The following ZDHHC14 variants were observed in gnomAD, a reference collection of about 807,000 sequenced individuals.
ZDHHC14 encodes zDHHC palmitoyltransferase 14.
Under a neutral mutation model 47.7 loss-of-function variants are expected in ZDHHC14, and 16 were observed. That is an observed-to-expected ratio of 0.34 (90% CI 0.23 to 0.51). The LOEUF (loss-of-function observed/expected upper bound fraction) is 0.51, where lower values mean the gene tolerates loss of function less well. ZDHHC14 is among the 20% of genes least tolerant of loss of function. The pLI is 0.97. For synonymous variants in ZDHHC14, 293 were observed against 278.9 expected (o/e 1.05, Z -0.50); for missense variants, 515 against 662.5 (o/e 0.78, Z 2.44).
intron 1 of ZDHHC14, among the ~76,000 whole-genome samples, chr6:157,519,123 G>A (rs1332924196): frequency 6.6e-6 from 1 of 151,994 alleles, no homozygotes; most frequent in Non-Finnish European, 1.5e-5. Context: ...CATAGATGGA[G>A]GGAGTTGTTC....
chr6:157,399,502 A>C (rs1468900819), intron 1 of ZDHHC14, among the ~76,000 whole-genome samples: 2 of 152,234 alleles, frequency 1.3e-5, no homozygotes, highest in African/African-American at 4.8e-5. Context: ...CTTTTTGCTC[A>C]TAACAGTCTG....
intron 1 of ZDHHC14, among the ~76,000 whole-genome samples, chr6:157,393,173 C>G (rs1293122100): frequency 6.6e-6 from 1 of 152,202 alleles, no homozygotes; most frequent in African/African-American, 2.4e-5. Context: ...GCCACCGCAC[C>G]CAGCCTATTT....
chr6:157,540,686 G>A (rs150248905), intron 1 of ZDHHC14, among the ~76,000 whole-genome samples: 2,572 of 152,138 alleles, frequency 0.017, 24 homozygotes, highest in South Asian at 0.024. Flanking sequence ...GGGGAAAAAC[G>A]TGGGCTTGTT....
At chr6:157,656,626 G>A (rs7739151) in intron 8 of ZDHHC14, among the ~76,000 whole-genome samples, 3 of 150,488 alleles carry the variant, frequency 2.0e-5, no homozygotes, top group Admixed American at 6.6e-5. Flanking sequence ...ATGAGTCACC[G>A]CGCCCAGCCT....
intron 2 of ZDHHC14, among the ~76,000 whole-genome samples, chr6:157,577,375 T>C (rs971942509): frequency 6.6e-6 from 1 of 152,214 alleles, no homozygotes; most frequent in African/African-American, 2.4e-5. Context: ...TTTGGGTATA[T>C]ACCCAAAAAT....
At chr6:157,596,047 A>G (rs1784116062) in intron 3 of ZDHHC14, among the ~76,000 whole-genome samples, 1 of 152,204 alleles carries the variant, frequency 6.6e-6, no homozygotes, top group South Asian at 2.1e-4. Flanking sequence ...AAGAAGTAGC[A>G]TATGAGTGAT....
intron 1 of ZDHHC14, among the ~76,000 whole-genome samples, chr6:157,489,279 C>G (rs1206448675): frequency 6.6e-6 from 1 of 152,110 alleles, no homozygotes; most frequent in Non-Finnish European, 1.5e-5. Flanking sequence ...AATGTGAACC[C>G]GATACATAGA....
intron 1 of ZDHHC14, among the ~76,000 whole-genome samples, chr6:157,503,964 C>T (rs898377077): frequency 7.9e-5 from 12 of 152,092 alleles, no homozygotes; most frequent in Non-Finnish European, 7.4e-5. Flanking sequence ...TCAACAATTC[C>T]ATTTGTAAGT....
At chr6:157,626,825 A>T (rs558939359) in intron 3 of ZDHHC14, among the ~76,000 whole-genome samples, 1 of 149,866 alleles carries the variant, frequency 6.7e-6, no homozygotes, top group South Asian at 2.2e-4. Context: ...GATACACCCG[A>T]TACACCTGTG....
At chr6:157,564,794 C>A (rs890143885) in intron 2 of ZDHHC14, among the ~76,000 whole-genome samples, 3 of 152,162 alleles carry the variant, frequency 2.0e-5, no homozygotes, top group Admixed American at 2.0e-4. Flanking sequence ...AGATAAAACT[C>A]ATTTTTGCCT....
At chr6:157,494,004 G>C (rs981329694) in intron 1 of ZDHHC14, among the ~76,000 whole-genome samples, 2 of 152,308 alleles carry the variant, frequency 1.3e-5, no homozygotes, top group Non-Finnish European at 2.9e-5. Context: ...GGCTTTATGT[G>C]GCTTGGGGTA....
intron 1 of ZDHHC14, among the ~76,000 whole-genome samples, chr6:157,400,408 T>C (rs1056682370): frequency 6.6e-6 from 1 of 151,974 alleles, no homozygotes; most frequent in African/African-American, 2.4e-5. Flanking sequence ...CTTCAAACTT[T>C]TAAAGGGTGA....
At chr6:157,576,852 C>T (rs1424976227) in intron 2 of ZDHHC14, among the ~76,000 whole-genome samples, 4 of 152,204 alleles carry the variant, frequency 2.6e-5, no homozygotes, top group South Asian at 4.1e-4. Context: ...CCGAATCCTT[C>T]GGTAAGGAAA....
At chr6:157,528,561 C>A (rs1781247465) in intron 1 of ZDHHC14, among the ~76,000 whole-genome samples, 1 of 151,982 alleles carries the variant, frequency 6.6e-6, no homozygotes, top group Admixed American at 6.6e-5. Flanking sequence ...GAAACCCTGT[C>A]TCTACTAAAA....
At chr6:157,649,231 A>G (rs1256326608) in intron 7 of ZDHHC14, among the ~76,000 whole-genome samples, 3 of 152,226 alleles carry the variant, frequency 2.0e-5, no homozygotes, top group East Asian at 3.8e-4. Context: ...CGATTCATGA[A>G]TCTGGCAGCT....
chr6:157,604,886 A>G (rs1009167545), intron 3 of ZDHHC14, among the ~76,000 whole-genome samples: 1 of 152,194 alleles, frequency 6.6e-6, no homozygotes, highest in Admixed American at 6.5e-5. Flanking sequence ...TGTTGTTGAC[A>G]TGAGTTGCCC....
chr6:157,504,448 T>C (rs1583718688), intron 1 of ZDHHC14, among the ~76,000 whole-genome samples: 1 of 113,084 alleles, frequency 8.8e-6, no homozygotes, highest in East Asian at 2.7e-4. Context: ...GCACCCAGCC[T>C]ATTTTTTTTT....
intron 1 of ZDHHC14, among the ~76,000 whole-genome samples, chr6:157,455,068 G>T (rs563036925): frequency 3.1e-4 from 47 of 152,154 alleles, no homozygotes; most frequent in Non-Finnish European, 5.9e-4. Flanking sequence ...GCACATCTGT[G>T]GCCTGATGTT....
intron 1 of ZDHHC14, among the ~76,000 whole-genome samples, chr6:157,511,239 G>A (rs1780466787): frequency 6.6e-6 from 1 of 152,230 alleles, no homozygotes; most frequent in South Asian, 2.1e-4. Flanking sequence ...CTGTGGGGCG[G>A]GAAGCAGGAG....
Sources: gnomAD v4.1 joint callset for allele counts (sites outside exome capture counted in the v4.1 genomes callset) on GRCh38, gnomAD v4.1.1 for gene constraint, MANE v1.5 for transcripts, NCBI Gene and HGNC (gene_info 2026-07-23, HGNC 2026-07-21) for gene names.